FOXA2: variants seen among roughly 807,000 people sequenced by gnomAD.
FOXA2 encodes the protein forkhead box A2, also known as hepatocyte nuclear factor 3-beta.
FOXA2 carries 9 observed loss-of-function variants against 33.3 expected under a neutral mutation model. That is an observed-to-expected ratio of 0.27 (90% CI 0.16 to 0.47). The LOEUF (loss-of-function observed/expected upper bound fraction) is 0.47, where lower values mean the gene tolerates loss of function less well. Ranked by LOEUF, FOXA2 falls within the 20% of genes least tolerant of loss-of-function variation. The probability of loss-of-function intolerance (pLI) is 0.99; values close to 1 mark genes in which losing one functional copy is unlikely to be tolerated. For synonymous variants in FOXA2, 329 were observed against 289.4 expected, an observed-to-expected ratio of 1.14 and a Z score of -1.39; for missense variants, 704 against 659.9, an observed-to-expected ratio of 1.07 and a Z score of -0.73.
At chr20:22,584,822 G>A (rs1984722330), upstream of FOXA2, among the ~76,000 whole-genome samples, 1 of 152,070 alleles carries the variant, frequency 6.6e-6, no homozygotes, top group Non-Finnish European at 1.5e-5. Context: ...CAGCCCATTT[G>A]AATAATCAGC....
chr20:22,582,866 C>A lies in FOXA2; in HGVS notation c.376G>T (p.Ala126Ser). ...LSPLGGQAAGAMGGLAPYANM... is the reference protein window; with the variant it reads ...LSPLGGQAAGSMGGLAPYANM... ...GCGTAGGGGGCCAGGCCGCCCATGGCCCCGGCCGCCTGCCCCCCGAGCGGG... is the reference window on the plus strand; with the variant it reads ...GCGTAGGGGGCCAGGCCGCCCATGGACCCGGCCGCCTGCCCCCCGAGCGGG... Residue 126 changes from alanine (A) to serine (S), a missense_variant, in exon 2 of 2, where the codon GCC (alanine) becomes TCC (serine). Ala to Ser is a moderately conservative substitution (Grantham distance 99). Around this residue, in one of 5 missense-constraint regions of FOXA2, gnomAD observed 304 missense variants for 251.7 expected, o/e 1.21. Coordinates refer to ENST00000419308, the MANE Select transcript of FOXA2 (RefSeq NM_021784.5). 6.3e-7 allele frequency: 1 copy of A among 1,580,306 alleles called. No homozygotes were observed. Among genetic ancestry groups the A allele is most frequent in the Non-Finnish European group, 8.6e-7 (1 of 1,165,150 alleles).
rs1984698060 is a variant in FOXA2 at position 22,584,466 on chromosome 20, G to A, written c.-188C>T. The A allele has an allele frequency of 3.4e-6, 2 of 593,526 alleles. No individual in the cohort carries two copies. Among genetic ancestry groups the A allele is most frequent in the African/African-American group, 3.7e-5 (2 of 53,642 alleles). 36.8% of individuals were successfully genotyped at this position (593,526 alleles called of 1,614,324 possible). ...GGCGGTAGTTGGAAGTGGGCGGGAG[G>A]TGGGGGGGGGCGAGGAGCGGAGGAG... is the stretch of plus-strand genomic sequence containing the variant. On this transcript the variant is annotated 5_prime_UTR_variant, in exon 1 of 2. Transcript: ENST00000419308.
upstream of FOXA2, among the ~76,000 whole-genome samples, chr20:22,584,888 C>T (rs1463866797): frequency 6.6e-6 from 1 of 152,092 alleles, no homozygotes; most frequent in Non-Finnish European, 1.5e-5. Context: ...CCCTCAGCGC[C>T]TGCCGTCCGC....
Position 22,581,333 on chromosome 20 carries a change from C to CT in FOXA2, c.*516dup, listed in dbSNP as rs112021763. On this transcript the variant is annotated 3_prime_UTR_variant, in exon 2 of 2. Transcript: ENST00000419308. Reference sequence around the variant, plus strand: ...TTTCACCGTGTCAAGATTGGGAATGCTTTTTTTTTCTTTTTCTTGGTCATT... The same window carrying CT: ...TTTCACCGTGTCAAGATTGGGAATGCTTTTTTTTTTCTTTTTCTTGGTCATT... 0.16 allele frequency: 23,595 copies of CT among 151,664 alleles called. 3,745 individuals carry two copies. The highest frequency in any genetic ancestry group is 0.4 in the African/African-American group (16,608 of 41,144). The allele number at this position is 151,664 out of a possible 1,614,324, so 9.4% of individuals were successfully genotyped here.
In FOXA2 at chr20:22,581,841, G is replaced by A; in HGVS notation, c.*9C>T. On this transcript the variant is annotated 3_prime_UTR_variant, in exon 2 of 2. Coordinates refer to ENST00000419308, the MANE Select transcript of FOXA2 (RefSeq NM_021784.5). ...GCCAGAGTTAGCCGGGCCTGAAGCC[G>A]TCGTCTTCTTAAGAGGAGTTCATAA... is the stretch of plus-strand genomic sequence containing the variant. 1.2e-6 allele frequency: 2 copies of A among 1,607,062 alleles called. No individual in the cohort carries two copies. Among genetic ancestry groups the A allele is most frequent in the Non-Finnish European group, 8.5e-7 (1 of 1,174,460 alleles).
rs1324093745 is a variant in FOXA2, at chr20:22,581,124, C to G, written c.*726G>C. 1 of 152,442 alleles carries G rather than the reference C, an allele frequency of 6.6e-6. No individual in the cohort carries two copies. The highest frequency in any genetic ancestry group is 1.5e-5 in the Non-Finnish European group (1 of 68,016). 9.4% of individuals were successfully genotyped at this position (152,442 alleles called of 1,614,324 possible). A position where few individuals can be genotyped will look rare whatever the true frequency, so the allele number is the denominator to read the frequency against. On this transcript the variant is annotated 3_prime_UTR_variant, in exon 2 of 2. Coordinates refer to ENST00000419308, the MANE Select transcript of FOXA2 (RefSeq NM_021784.5). Reference sequence around the variant, plus strand: ...CCTCCTTCTTGAAATAATTTCCAAGCCTGTATATTTTGTAAGCCAAGTAAA... The same window carrying G: ...CCTCCTTCTTGAAATAATTTCCAAGGCTGTATATTTTGTAAGCCAAGTAAA...
chr20:22,582,137 G>A lies in FOXA2; in HGVS notation c.1105C>T (p.His369Tyr). 1.3e-6 allele frequency: 2 copies of A among 1,582,868 alleles called. No homozygotes were observed. Among genetic ancestry groups the A allele is most frequent in the South Asian group, 1.1e-5 (1 of 87,960 alleles). Residue 369 changes from histidine (H) to tyrosine (Y), a missense_variant, in exon 2 of 2, where the codon CAC (histidine) becomes TAC (tyrosine). Transcript: ENST00000419308. Reference protein sequence around the residue: ...PHHPGLPPEAHLKPEHHYAFN... With the variant: ...PHHPGLPPEAYLKPEHHYAFN... ...GCGTAGTGGTGTTCCGGCTTCAGGT[G>A]GGCCTCAGGCGGCAGGCCCGGGTGG... is the stretch of plus-strand genomic sequence containing the variant.
chr20:22,584,131 G>C, intron 1 of FOXA2, 61 bp downstream of exon 1: 1 of 1,533,896 alleles, frequency 6.5e-7, no homozygotes, highest in Non-Finnish European at 9.0e-7. Flanking sequence ...AAGCGGTCCT[G>C]AGGTTGGGGA....
rs1984570457 is a variant in FOXA2 at position 22,581,529 on chromosome 20, A to C, written c.*321T>G. On this transcript the variant is annotated 3_prime_UTR_variant, in exon 2 of 2. Coordinates refer to ENST00000419308, the MANE Select transcript of FOXA2 (RefSeq NM_021784.5). ...TGGAGGAGAACAACAACAACAAAAA[A>C]ATCAGAATCTGCAGGTGCTTGAAGA... 1 of 229,682 alleles carries C rather than the reference A, an allele frequency of 4.4e-6. No homozygotes were observed. The highest frequency in any genetic ancestry group is 8.4e-6 in the Non-Finnish European group (1 of 119,190). The allele number at this position is 229,682 out of a possible 1,614,324, so 14.2% of individuals were successfully genotyped here.
chr20:22,583,210 G>T, intron 1 of FOXA2, 56 bp from the exon 2 acceptor site: 2 of 1,585,282 alleles, frequency 1.3e-6, no homozygotes, highest in Non-Finnish European at 1.7e-6. Context: ...GCTGGAGGGT[G>T]CCCAGACCTC....
Position 22,582,800 on chromosome 20 carries a change from G to A in FOXA2, c.442C>T (p.Leu148=). The A allele has an allele frequency of 1.2e-6, 2 of 1,613,778 alleles. No homozygotes were observed. The highest frequency in any genetic ancestry group is 1.7e-6 in the Non-Finnish European group (2 of 1,179,860). ...GTCTTGGGGTCGCGGGCGCGGCTCA[G>A]GCCCGCCTGCCCGTACATGGGGCTC... ...SMSPMYGQAG[L]SRARDPKTYR... The change falls in exon 2 of 2, where the codon CTG becomes TTG. Residue 148 remains leucine, a synonymous_variant. Transcript: ENST00000419308.
In FOXA2 at chr20:22,583,170, C is replaced by A; in HGVS notation, c.88-16G>T. ...AGGAGTAGCCCTGCGGACAGAGCCC[C>A]GGGAGGGAGGCGACAGCGTTAGCAC... is the stretch of plus-strand genomic sequence containing the variant. On this transcript the variant is annotated splice_polypyrimidine_tract_variant and intron_variant, in intron 1 of 1. Transcript: ENST00000419308. 6.3e-7 allele frequency: 1 copy of A among 1,599,528 alleles called. No individual in the cohort carries two copies. Among genetic ancestry groups the A allele is most frequent in the East Asian group, 2.2e-5 (1 of 44,842 alleles).
At chr20:22,584,923 CCTGGGCGGGCCAGGGGAGCGGG>C (rs1984726198), upstream of FOXA2, among the ~76,000 whole-genome samples, 1 of 152,128 alleles carries the variant, frequency 6.6e-6, no homozygotes, top group Non-Finnish European at 1.5e-5. Flanking sequence ...GCCCCGCACT[CCTGGGCGGGCCAGGGGAGCGGG>C]CTGGGCGGGC....
At chr20:22,584,878 C>CCTG (rs1470304905), upstream of FOXA2, among the ~76,000 whole-genome samples, 3 of 152,084 alleles carry the variant, frequency 2.0e-5, no homozygotes, top group African/African-American at 7.2e-5. Flanking sequence ...CCGCACCTGC[C>CCTG]CCTCAGCGCC....
Position 22,582,147 on chromosome 20 carries a change from C to A in FOXA2, c.1095G>T (p.Pro365=), listed in dbSNP as rs1189848148. The A allele has an allele frequency of 1.9e-6, 3 of 1,570,702 alleles. No homozygotes were observed. Among genetic ancestry groups the A allele is most frequent in the Admixed American group, 1.9e-5 (1 of 52,526 alleles). ...LLGPPHHPGL[P]PEAHLKPEHH... Reference sequence around the variant, plus strand: ...GTTCCGGCTTCAGGTGGGCCTCAGGCGGCAGGCCCGGGTGGTGGGGCGGGC... The same window carrying A: ...GTTCCGGCTTCAGGTGGGCCTCAGGAGGCAGGCCCGGGTGGTGGGGCGGGC... Residue 365 remains proline (P), a synonymous_variant, in exon 2 of 2, where the codon CCG becomes CCT. Transcript: ENST00000419308.
intron 1 of FOXA2, 79 bp from the exon 2 acceptor site, chr20:22,583,233 CAGGCCTCCGCGTCCGGGG>C: frequency 6.6e-7 from 1 of 1,521,124 alleles, no homozygotes; most frequent in Non-Finnish European, 9.0e-7. Context: ...ACCCACCGCC[CAGGCCTCCGCGTCCGGGG>C]AGGCCTCCGG....
chr20:22,583,886 A>C (rs1164320903), intron 1 of FOXA2, among the ~76,000 whole-genome samples: 5 of 133,048 alleles, frequency 3.8e-5, no homozygotes, highest in African/African-American at 8.5e-5. Flanking sequence ...CCGACCTCCC[A>C]CCCCTCCCCA....
At chr20:22,585,378 C>A (rs1472339258), upstream of FOXA2, 1 of 152,268 alleles carries the variant, frequency 6.6e-6, no homozygotes, top group Non-Finnish European at 1.5e-5. Context: ...GCCGCCTCGG[C>A]TCTCCGACTC....
chr20:22,584,048 C>T (rs1407651216), intron 1 of FOXA2, 144 bp downstream of exon 1: 1 of 707,288 alleles, frequency 1.4e-6, no homozygotes, highest in Non-Finnish European at 2.5e-6. Flanking sequence ...CATTTGATTC[C>T]AAGGAGGGCG....
Sources: allele counts gnomAD v4.1 joint callset (sites outside exome capture counted in the v4.1 genomes callset), GRCh38; gene constraint gnomAD v4.1.1; regional missense constraint gnomAD v4.1.1; transcripts MANE v1.5; gene names NCBI Gene and HGNC (gene_info 2026-07-23, HGNC 2026-07-21).